The following CTNNA3 variants were observed in gnomAD, a reference collection of about 807,000 sequenced individuals.
The protein encoded by CTNNA3 is catenin alpha 3, also known as catenin alpha-3.
A neutral mutation model predicts 95.7 loss-of-function variants in CTNNA3; 76 were observed. The observed-to-expected ratio is 0.79, with a 90% confidence interval of 0.66 to 0.96. CTNNA3 has a LOEUF of 0.96. CTNNA3 is among the 40% of genes least tolerant of loss of function. The pLI is 0.00. For missense variants in CTNNA3, 1,191 were observed against 1,089.8 expected, an observed-to-expected ratio of 1.09 and a Z score of -1.31; for synonymous variants, 431 against 374.4, an observed-to-expected ratio of 1.15 and a Z score of -1.74.
rs565078393 is a variant in CTNNA3 at position 67,183,068 on chromosome 10, G to A, written c.844-2548C>T. Among the ~76,000 whole-genome samples the A allele has an allele frequency of 3.9e-5, 6 of 152,282 alleles. No homozygotes were observed. In the South Asian group the frequency reaches 1.2e-3, roughly 32 times the overall value. On this transcript the variant is annotated intron_variant, in intron 6 of 17. Coordinates refer to ENST00000433211, the MANE Select transcript of CTNNA3 (RefSeq NM_013266.4). Reference sequence around the variant, plus strand: ...GTGCTGGAGAGGATATGGAGAAACAGGAACACTTTTACACTGTTGGTGGAA... The same window carrying A: ...GTGCTGGAGAGGATATGGAGAAACAAGAACACTTTTACACTGTTGGTGGAA...
intron 6 of CTNNA3, among the ~76,000 whole-genome samples, chr10:67,187,767 G>A (rs577204778): frequency 1.6e-4 from 24 of 152,098 alleles, no homozygotes; most frequent in Admixed American, 9.2e-4. Flanking sequence ...TGTAATTTTT[G>A]TAGAGATGGG....
rs1249062395 is a variant in CTNNA3 at position 67,219,467 on chromosome 10, A to C, written c.843+140T>G. 4 of 843,096 alleles carry C rather than the reference A, an allele frequency of 4.7e-6. No homozygotes were observed. The South Asian group carries it at 7.4e-5, about 16-fold the overall frequency. 52.2% of individuals were successfully genotyped at this position (843,096 alleles called of 1,614,324 possible). ...TTCCTGTTAATCAATTCTTTGGAAGACTCAAGAAGGTGATAGAGACTAATC... is the reference window on the plus strand; with the variant it reads ...TTCCTGTTAATCAATTCTTTGGAAGCCTCAAGAAGGTGATAGAGACTAATC... On this transcript the variant is annotated intron_variant, in intron 6 of 17. Coordinates refer to ENST00000433211, the MANE Select transcript of CTNNA3 (RefSeq NM_013266.4).
intron 13 of CTNNA3, among the ~76,000 whole-genome samples, chr10:66,157,465 T>TAGAC (rs1329823123): frequency 6.7e-6 from 1 of 149,220 alleles, no homozygotes; most frequent in Non-Finnish European, 1.5e-5. Context: ...GATAGATAGA[T>TAGAC]AGACAGATGA....
At chr10:67,156,837 CT>C (rs1861331181) in intron 7 of CTNNA3, among the ~76,000 whole-genome samples, 1 of 151,888 alleles carries the variant, frequency 6.6e-6, no homozygotes, top group African/African-American at 2.4e-5. Flanking sequence ...CTGCTGCTTC[CT>C]TATTGATATT....
intron 3 of CTNNA3, among the ~76,000 whole-genome samples, chr10:67,554,810 T>C (rs952574013): frequency 2.0e-5 from 3 of 152,218 alleles, no homozygotes; most frequent in African/African-American, 7.2e-5. Flanking sequence ...TTTGGTGTTT[T>C]AGACATGAAG....
At chr10:66,209,522 C>T (rs1331622014) in intron 13 of CTNNA3, among the ~76,000 whole-genome samples, 1 of 152,054 alleles carries the variant, frequency 6.6e-6, no homozygotes, top group African/African-American at 2.4e-5. Context: ...AAGCTAGTTC[C>T]AAAGCCCCGA....
At chr10:67,354,394 G>A (rs1420222685) in intron 5 of CTNNA3, among the ~76,000 whole-genome samples, 9 of 152,006 alleles carry the variant, frequency 5.9e-5, no homozygotes, top group African/African-American at 2.2e-4. Context: ...CAACTTGCAA[G>A]GATAAATGCT....
intron 5 of CTNNA3, among the ~76,000 whole-genome samples, chr10:67,359,493 C>T (rs547960998): frequency 3.1e-4 from 47 of 152,088 alleles, no homozygotes; most frequent in African/African-American, 9.9e-4. Context: ...GCAAGTAAAA[C>T]GATCTAAGAG....
At chr10:67,544,127 T>C (rs1013424202) in intron 3 of CTNNA3, among the ~76,000 whole-genome samples, 9 of 152,184 alleles carry the variant, frequency 5.9e-5, no homozygotes, top group African/African-American at 2.2e-4. Flanking sequence ...TGTGGCTGCA[T>C]ATGGTTGCTA....
At chr10:66,106,826 G>A (rs948372886) in intron 13 of CTNNA3, among the ~76,000 whole-genome samples, 3 of 151,786 alleles carry the variant, frequency 2.0e-5, no homozygotes, top group Non-Finnish European at 2.9e-5. Context: ...TTTTTGATTT[G>A]GAACTTTGGA....
intron 7 of CTNNA3, among the ~76,000 whole-genome samples, chr10:67,035,509 G>A (rs908646846): frequency 6.6e-6 from 1 of 152,082 alleles, no homozygotes; most frequent in Non-Finnish European, 1.5e-5. Context: ...GAATATAGGA[G>A]AAAGTTTACT....
At chr10:66,494,750 G>C (rs987896028) in intron 11 of CTNNA3, among the ~76,000 whole-genome samples, 2 of 152,160 alleles carry the variant, frequency 1.3e-5, no homozygotes, top group African/African-American at 4.8e-5. Context: ...TTTTGATTTA[G>C]AGTCAACCAA....
chr10:67,619,588 A>G (rs1353880017), intron 2 of CTNNA3, among the ~76,000 whole-genome samples: 1 of 152,238 alleles, frequency 6.6e-6, no homozygotes, highest in African/African-American at 2.4e-5. Flanking sequence ...TAGATCTGAT[A>G]GACTAGATCA....
chr10:66,787,318 C>A (rs1318489117), intron 7 of CTNNA3, among the ~76,000 whole-genome samples: 2 of 145,800 alleles, frequency 1.4e-5, no homozygotes, highest in African/African-American at 5.0e-5. Flanking sequence ...GGTGGTATTT[C>A]CCTACAGGAA....
In CTNNA3 at chr10:67,285,791, A is replaced by G. The variant is rs192890679; in HGVS notation, c.580-65921T>C. Among the ~76,000 whole-genome samples the G allele has an allele frequency of 7.2e-5, 11 of 152,336 alleles. No homozygotes were observed. The East Asian group carries it at 2.1e-3, about 29-fold the overall frequency. The stretch of plus-strand genomic sequence containing the variant: ...TTTACAAAGGTTCCTACAGGCAGGA[A>G]ATGTGTTTGATTTTTGTGTATACTT... On this transcript the variant is annotated intron_variant, in intron 5 of 17. Coordinates refer to ENST00000433211, the MANE Select transcript of CTNNA3 (RefSeq NM_013266.4).
At chr10:66,991,552 T>G (rs1304931329) in intron 7 of CTNNA3, among the ~76,000 whole-genome samples, 1 of 152,106 alleles carries the variant, frequency 6.6e-6, no homozygotes, top group Admixed American at 6.6e-5. Context: ...ACAAATTTAT[T>G]TATTTATTTA....
chr10:66,639,276 G>GA (rs998287715), intron 9 of CTNNA3, among the ~76,000 whole-genome samples: 9 of 151,866 alleles, frequency 5.9e-5, no homozygotes, highest in South Asian at 2.1e-4. Context: ...AGATAGTTTT[G>GA]AAAAAAACAT....
chr10:66,360,816 C>CCTTCCTTCCTTTCTTTCTTTCTTT (rs1491560905), intron 12 of CTNNA3, among the ~76,000 whole-genome samples: 2 of 50,276 alleles, frequency 4.0e-5, no homozygotes, highest in African/African-American at 7.8e-5. Flanking sequence ...TTCCTTCCTT[C>CCTTCCTTCCTTTCTTTCTTTCTTT]CTTTCTTTCT....
In CTNNA3 at chr10:66,766,408, C is replaced by T. The variant is rs1484224603; in HGVS notation, c.1137G>A (p.Lys379=). Residue 379 remains lysine (K), a synonymous_variant, in exon 9 of 18, where the codon AAG becomes AAA. Coordinates refer to ENST00000433211, the MANE Select transcript of CTNNA3 (RefSeq NM_013266.4). The part of the protein sequence containing the change: ...KTRDLRRQLR[K]AIIDHVSDSF... ...AGTCTGACACATGATCTATAATAGCCTTGCGGAGCTGAGAAGAAATGAAAA... is the reference window on the plus strand; with the variant it reads ...AGTCTGACACATGATCTATAATAGCTTTGCGGAGCTGAGAAGAAATGAAAA... 1 of 1,606,776 alleles carries T rather than the reference C, an allele frequency of 6.2e-7. No homozygotes were observed. The highest frequency in any genetic ancestry group is 8.5e-7 in the Non-Finnish European group (1 of 1,176,600).
Sources: allele counts gnomAD v4.1 joint callset (sites outside exome capture counted in the v4.1 genomes callset), GRCh38; gene constraint gnomAD v4.1.1; transcripts MANE v1.5; gene names NCBI Gene and HGNC (gene_info 2026-07-23, HGNC 2026-07-21).